KAZN: variants seen among roughly 807,000 people sequenced by gnomAD.
The protein encoded by KAZN is kazrin, periplakin interacting protein, also known as kazrin.
A neutral mutation model predicts 87.4 loss-of-function variants in KAZN; 40 were observed. The observed-to-expected ratio is 0.46, with a 90% confidence interval of 0.36 to 0.60. The LOEUF (loss-of-function observed/expected upper bound fraction) is 0.60. Among genes scored for constraint, KAZN ranks in the 20% least tolerant of loss-of-function variants. The probability of loss-of-function intolerance (pLI) is 0.00; values close to 1 mark genes in which losing one functional copy is unlikely to be tolerated. For missense variants in KAZN, 898 were observed against 1,073.9 expected (o/e 0.84, Z 2.29); for synonymous variants, 466 against 458.3 (o/e 1.02, Z -0.22).
chr1:15,085,445 A>G (rs2100647677), intron 8 of KAZN, among the ~76,000 whole-genome samples: 1 of 152,312 alleles, frequency 6.6e-6, no homozygotes, highest in African/African-American at 2.4e-5. Context: ...CTCCTGCCTC[A>G]GCCTCCTGAG....
At chr1:14,146,343 T>G (rs1645348187) in intron 1 of KAZN, among the ~76,000 whole-genome samples, 1 of 151,768 alleles carries the variant, frequency 6.6e-6, no homozygotes, top group African/African-American at 2.4e-5. Flanking sequence ...GAGACCAGCC[T>G]GGCCAACATG....
chr1:14,361,639 G>A (rs1659522232), intron 2 of KAZN, among the ~76,000 whole-genome samples: 1 of 152,248 alleles, frequency 6.6e-6, no homozygotes. Context: ...CATAATATCT[G>A]GGCCAGAGTG....
At position 13,918,348 on chromosome 1, in the gene KAZN, T is replaced by G. The variant is rs540837730; in HGVS notation, c.91+24592T>G. Among the ~76,000 whole-genome samples, 3 of 152,364 alleles carry G rather than the reference T, an allele frequency of 2.0e-5. No individual in the cohort carries two copies. In the South Asian group the frequency reaches 6.2e-4, roughly 32 times the overall value. ...TCAAGATTTAAGGGGAGAAAGTAAC[T>G]GCAGTTGTGTTGAAAATAGCAAAAG... On this transcript the variant is annotated intron_variant, in intron 1 of 16. Transcript: ENST00000636203.
At chr1:14,239,351 C>G (rs1648714604) in intron 2 of KAZN, among the ~76,000 whole-genome samples, 1 of 151,940 alleles carries the variant, frequency 6.6e-6, no homozygotes, top group South Asian at 2.1e-4. Context: ...TGTCAACTTA[C>G]CAAGCTCTCT....
intron 2 of KAZN, among the ~76,000 whole-genome samples, chr1:14,420,679 C>T (rs537627276): frequency 2.0e-5 from 3 of 152,300 alleles, no homozygotes; most frequent in African/African-American, 7.2e-5. Flanking sequence ...GGCGAGAATT[C>T]GAGTGCAGCG....
chr1:15,078,949 G>A (rs1639878194), intron 8 of KAZN, among the ~76,000 whole-genome samples: 1 of 152,174 alleles, frequency 6.6e-6, no homozygotes, highest in African/African-American at 2.4e-5. Flanking sequence ...TTCCTAAACT[G>A]GCCTTTGTGC....
At chr1:15,012,926 A>T (rs942210681) in intron 2 of KAZN, among the ~76,000 whole-genome samples, 3 of 152,152 alleles carry the variant, frequency 2.0e-5, no homozygotes, top group Non-Finnish European at 4.4e-5. Context: ...TCTCAAAAAA[A>T]AGAAAAGAAT....
intron 1 of KAZN, among the ~76,000 whole-genome samples, chr1:14,792,838 T>C (rs13376525): frequency 0.081 from 12,246 of 152,034 alleles, 546 homozygotes; most frequent in Middle Eastern, 0.14. Flanking sequence ...TAGCTGGGCG[T>C]GGTGGCATGT....
intron 1 of KAZN, among the ~76,000 whole-genome samples, chr1:14,920,096 T>G (rs1293020143): frequency 6.6e-6 from 1 of 151,992 alleles, no homozygotes; most frequent in African/African-American, 2.4e-5. Context: ...TGGGCTCAAA[T>G]ATTCAACTTT....
chr1:13,934,668 C>G (rs1425190597), intron 1 of KAZN, among the ~76,000 whole-genome samples: 1 of 152,186 alleles, frequency 6.6e-6, no homozygotes, highest in African/African-American at 2.4e-5. Flanking sequence ...TTCTCTTTCT[C>G]TCTGCCTGTT....
intron 2 of KAZN, among the ~76,000 whole-genome samples, chr1:14,428,982 T>G (rs1317891942): frequency 6.6e-6 from 1 of 152,074 alleles, no homozygotes; most frequent in Non-Finnish European, 1.5e-5. Flanking sequence ...TTAGAACATA[T>G]GTATTACATA....
intron 1 of KAZN, among the ~76,000 whole-genome samples, chr1:14,114,481 T>A (rs543299258): frequency 2.0e-5 from 3 of 152,156 alleles, no homozygotes; most frequent in South Asian, 4.1e-4. Context: ...ATTCCAGGCA[T>A]CCAGATTGTG....
intron 1 of KAZN, chr1:14,946,209 G>T (rs965507027): frequency 5.9e-5 from 9 of 152,200 alleles, no homozygotes; most frequent in African/African-American, 2.2e-4. Flanking sequence ...TGATGTGATT[G>T]CCGGAAACGC....
At chr1:14,275,583 C>T (rs2100696151) in intron 2 of KAZN, among the ~76,000 whole-genome samples, 1 of 151,558 alleles carries the variant, frequency 6.6e-6, no homozygotes, top group African/African-American at 2.4e-5. Flanking sequence ...TTTTTCTCTA[C>T]ATTATGTTTG....
At chr1:14,958,283 C>T (rs984879236) in intron 1 of KAZN, among the ~76,000 whole-genome samples, 4 of 152,186 alleles carry the variant, frequency 2.6e-5, no homozygotes, top group African/African-American at 7.2e-5. Flanking sequence ...ATGGCATTCA[C>T]GGAGCACATC....
At chr1:14,763,584 G>A (rs896809491) in intron 1 of KAZN, among the ~76,000 whole-genome samples, 4 of 152,150 alleles carry the variant, frequency 2.6e-5, no homozygotes, top group Admixed American at 6.5e-5. Flanking sequence ...CAGTGAGCTC[G>A]GAATGATGCT....
intron 2 of KAZN, among the ~76,000 whole-genome samples, chr1:15,006,724 A>G (rs1669040526): frequency 6.6e-6 from 1 of 152,198 alleles, no homozygotes; most frequent in African/African-American, 2.4e-5. Flanking sequence ...AAAGCCAGGA[A>G]GAAGGGTGGG....
chr1:14,299,896 C>G (rs1294585253), intron 2 of KAZN, among the ~76,000 whole-genome samples: 1 of 152,138 alleles, frequency 6.6e-6, no homozygotes, highest in Non-Finnish European at 1.5e-5. Flanking sequence ...ACTCACCCAA[C>G]AAAAATCACC....
At chr1:14,466,329 A>AG (rs975044635) in intron 2 of KAZN, among the ~76,000 whole-genome samples, 22 of 124,502 alleles carry the variant, frequency 1.8e-4, no homozygotes, top group African/African-American at 5.7e-4. Context: ...AGTTTTTATA[A>AG]GGAAAACAAA....
Sources: allele counts gnomAD v4.1 joint callset (sites outside exome capture counted in the v4.1 genomes callset), GRCh38; gene constraint gnomAD v4.1.1; transcripts MANE v1.5; gene names NCBI Gene and HGNC (gene_info 2026-07-23, HGNC 2026-07-21).